The following TRIM6 variants were observed in gnomAD, a reference collection of about 807,000 sequenced individuals.
The protein encoded by TRIM6 is tripartite motif-containing protein 6.
In TRIM6, 43 loss-of-function variants were observed where a neutral mutation model predicts 51.2. The ratio of observed to expected loss-of-function variants is 0.84; its 90% CI spans 0.66 to 1.08. The LOEUF (loss-of-function observed/expected upper bound fraction) is 1.08. Among genes scored for constraint, TRIM6 ranks in the 50% least tolerant of loss-of-function variants. The probability of loss-of-function intolerance (pLI) is 0.00; values close to 1 mark genes in which losing one functional copy is unlikely to be tolerated. For synonymous variants in TRIM6, 215 were observed against 232.4 expected, an observed-to-expected ratio of 0.93 and a Z score of 0.68; for missense variants, 669 against 619.0, an observed-to-expected ratio of 1.08 and a Z score of -0.86.
rs758603847 is a variant in TRIM6, at chr11:5,610,596, A to G, written c.985+35A>G. 9 of 1,604,302 alleles carry G rather than the reference A, an allele frequency of 5.6e-6. No individual in the cohort carries two copies. In the Admixed American group the frequency reaches 1.3e-4, roughly 24 times the overall value. On this transcript the variant is annotated intron_variant, in intron 7 of 7. Transcript: ENST00000380097. ...AGCCATGGCCTCTTTGGGCTGGCAC[A>G]TTCTGATCTCCTTTCACATGCCCTC...
At position 5,611,617 on chromosome 11, in the gene TRIM6, C is replaced by T. The variant is rs546064959; in HGVS notation, c.*275C>T. 2.6e-4 allele frequency: 90 copies of T among 345,026 alleles called. No individual in the cohort carries two copies. Among genetic ancestry groups the T allele is most frequent in the Non-Finnish European group, 4.0e-4 (76 of 190,080 alleles). 21.4% of individuals were successfully genotyped at this position (345,026 alleles called of 1,614,324 possible). On this transcript the variant is annotated 3_prime_UTR_variant, in exon 8 of 8. Coordinates refer to ENST00000380097, the MANE Select transcript of TRIM6 (RefSeq NM_001003818.3). ...TACAGGCACCCACCACCATGCCCAA[C>T]TAATTTTTGTATTTTTATAGAGATA...
At position 5,610,564 on chromosome 11, in the gene TRIM6, A is replaced by G. The variant is rs1848512661; in HGVS notation, c.985+3A>G. On this transcript the variant is annotated splice_donor_region_variant and intron_variant, in intron 7 of 7. Transcript: ENST00000380097. Reference sequence around the variant, plus strand: ...GACAGATGTCCAAAGCTACTGGGGTAAGTAGAAGCCATGGCCTCTTTGGGC... The same window carrying G: ...GACAGATGTCCAAAGCTACTGGGGTGAGTAGAAGCCATGGCCTCTTTGGGC... 1 of 1,612,954 alleles carries G rather than the reference A, an allele frequency of 6.2e-7. No individual in the cohort carries two copies. Among genetic ancestry groups the G allele is most frequent in the Non-Finnish European group, 8.5e-7 (1 of 1,179,404 alleles).
chr11:5,610,896 GAC>G lies in TRIM6; in HGVS notation c.1106_1107del (p.Asp369ValfsTer2), dbSNP rs1235166220. 6.2e-7 allele frequency: 1 copy of G among 1,614,060 alleles called. No individual in the cohort carries two copies. Among genetic ancestry groups the G allele is most frequent in the Non-Finnish European group, 8.5e-7 (1 of 1,180,044 alleles). ...ACCTTCCTGTCTGGAAAAGCATTAT[GAC>G]TGTAGTGTCCTGGGCTCCCAGCACT... ...SGPSCLEKHY[D>X]CSVLGSQHFS... On this transcript the variant is annotated frameshift_variant, in exon 8 of 8. Transcript: ENST00000380097. LOFTEE classifies it low-confidence loss of function (END_TRUNC).
At position 5,611,923 on chromosome 11, in the gene TRIM6, A is replaced by G. The variant is rs1848594862; in HGVS notation, c.*581A>G. 1 of 152,204 alleles carries G rather than the reference A, an allele frequency of 6.6e-6. No individual in the cohort carries two copies. Among genetic ancestry groups the G allele is most frequent in the Admixed American group, 6.5e-5 (1 of 15,270 alleles). The allele number at this position is 152,204 out of a possible 1,614,324, so 9.4% of individuals were successfully genotyped here. Reference sequence around the variant, plus strand: ...TTGATTGATGCAGGGGATCAAATTTAGGAAGTTCTGATCTGTTAATTTACT... The same window carrying G: ...TTGATTGATGCAGGGGATCAAATTTGGGAAGTTCTGATCTGTTAATTTACT... On this transcript the variant is annotated 3_prime_UTR_variant, in exon 8 of 8. Transcript: ENST00000380097.
intron 5 of TRIM6, 132 bp downstream of exon 5, chr11:5,608,526 T>C (rs1019710941): frequency 1.4e-6 from 2 of 1,393,768 alleles, no homozygotes; most frequent in African/African-American, 1.4e-5. Context: ...GCGCATCACA[T>C]GGAGTTTTGG....
intron 1 of TRIM6, among the ~76,000 whole-genome samples, chr11:5,598,965 A>C (rs780944423): frequency 1.3e-5 from 2 of 152,004 alleles, no homozygotes; most frequent in African/African-American, 2.4e-5. Flanking sequence ...TGCAGTTCAA[A>C]CTTTTCTCCC....
intron 1 of TRIM6, among the ~76,000 whole-genome samples, chr11:5,600,369 A>G (rs1847761566): frequency 6.6e-6 from 1 of 152,164 alleles, no homozygotes; most frequent in Admixed American, 6.5e-5. Flanking sequence ...CTTTCTGTAG[A>G]TATTTGCTGT....
At chr11:5,603,783 A>G (rs1203907355) in intron 2 of TRIM6, 48 bp downstream of exon 2, 1 of 1,595,734 alleles carries the variant, frequency 6.3e-7, no homozygotes, top group Non-Finnish European at 8.5e-7. Context: ...GGTCTTTGGC[A>G]GGTTTTAACG....
At chr11:5,608,488 G>A (rs934147875) in intron 5 of TRIM6, 94 bp downstream of exon 5, 25 of 1,573,054 alleles carry the variant, frequency 1.6e-5, no homozygotes, top group African/African-American at 2.7e-5. Context: ...ATCAGAGTGG[G>A]GAAGATTCAA....
At chr11:5,599,377 A>G (rs1384544049) in intron 1 of TRIM6, among the ~76,000 whole-genome samples, 1 of 134,702 alleles carries the variant, frequency 7.4e-6, no homozygotes. Context: ...TACCAATACA[A>G]TTATTATATT....
At position 5,612,702 on chromosome 11, in the gene TRIM6, A is replaced by G. The variant is rs1385340875; in HGVS notation, c.*1360A>G. On this transcript the variant is annotated 3_prime_UTR_variant, in exon 8 of 8. Coordinates refer to ENST00000380097, the MANE Select transcript of TRIM6 (RefSeq NM_001003818.3). ...GAAATTAAGAGGTACATGTGAGGGT[A>G]GAAACAAATATCAAGGATGAGAATG... 1 of 152,202 alleles carries G rather than the reference A, an allele frequency of 6.6e-6. No individual in the cohort carries two copies. Among genetic ancestry groups the G allele is most frequent in the Non-Finnish European group, 1.5e-5 (1 of 68,026 alleles). 9.4% of individuals were successfully genotyped at this position (152,202 alleles called of 1,614,324 possible).
chr11:5,606,477 G>A (rs1055798632), intron 4 of TRIM6, among the ~76,000 whole-genome samples: 3 of 151,826 alleles, frequency 2.0e-5, no homozygotes, highest in South Asian at 2.1e-4. Context: ...GTTTGTCTTC[G>A]TGCTTTCCTC....
chr11:5,605,266 TC>T, intron 3 of TRIM6, 70 bp from the exon 4 acceptor site: 1 of 1,605,722 alleles, frequency 6.2e-7, no homozygotes. Context: ...GAGCCCAACT[TC>T]CCCGCTTTTA....
rs779825405 is a variant in TRIM6, at chr11:5,610,207, G to A, written c.920G>A (p.Arg307Gln). ...CCTACAAAGCTGAGAAGTATGTTCC[G>A]AGCCCCAGATCTGAAAAGGATGCTG... Reference protein sequence around the residue: ...ALPTKLRSMFRAPDLKRMLRV... With the variant: ...ALPTKLRSMFQAPDLKRMLRV... The change falls in exon 6 of 8, where the codon CGA (arginine) becomes CAA (glutamine). Residue 307 changes from arginine (R) to glutamine (Q), a missense_variant. Transcript: ENST00000380097. 2.6e-5 allele frequency: 42 copies of A among 1,613,966 alleles called. No homozygotes were observed. The highest frequency in any genetic ancestry group is 1.6e-4 in the Middle Eastern group (1 of 6,084).
Position 5,612,317 on chromosome 11 carries a change from T to G in TRIM6, c.*975T>G, listed in dbSNP as rs939713090. The G allele has an allele frequency of 6.6e-6, 1 of 152,240 alleles. No homozygotes were observed. Among genetic ancestry groups the G allele is most frequent in the Non-Finnish European group, 1.5e-5 (1 of 68,052 alleles). The allele number at this position is 152,240 out of a possible 1,614,324, so 9.4% of individuals were successfully genotyped here. On this transcript the variant is annotated 3_prime_UTR_variant, in exon 8 of 8. Transcript: ENST00000380097. ...AAACCAAACCATTATAATGATAATT[T>G]GGGTAGCTTCAAACTCAAATTGAAG...
intron 7 of TRIM6, 66 bp from the exon 8 acceptor site, chr11:5,610,711 C>G (rs1159150255): frequency 6.3e-7 from 1 of 1,581,648 alleles, no homozygotes; most frequent in Non-Finnish European, 8.6e-7. Context: ...CCTGTGTTTC[C>G]TCTTCTCAGC....
chr11:5,599,605 G>A (rs564263054), intron 1 of TRIM6, among the ~76,000 whole-genome samples: 26 of 152,140 alleles, frequency 1.7e-4, no homozygotes, highest in East Asian at 1.2e-3. Context: ...GGGTTTCACC[G>A]TGTTAGCCAG....
Position 5,596,881 on chromosome 11 carries a change from G to A in TRIM6, c.-17G>A. 6.2e-7 allele frequency: 1 copy of A among 1,613,966 alleles called. No individual in the cohort carries two copies. The highest frequency in any genetic ancestry group is 8.5e-7 in the Non-Finnish European group (1 of 1,179,974). On this transcript the variant is annotated 5_prime_UTR_variant, in exon 1 of 8. Coordinates refer to ENST00000380097, the MANE Select transcript of TRIM6 (RefSeq NM_001003818.3). ...ATATTGCTTACATCTGGAACTTCTT[G>A]GCTTCTCATTCCCCAGATGTGCGGG...
At chr11:5,601,724 C>G (rs911630447) in intron 1 of TRIM6, among the ~76,000 whole-genome samples, 1 of 152,186 alleles carries the variant, frequency 6.6e-6, no homozygotes, top group Non-Finnish European at 1.5e-5. Context: ...TGCCACTGCC[C>G]TCCAGCCTGG....
Sources: allele counts gnomAD v4.1 joint callset (sites outside exome capture counted in the v4.1 genomes callset), GRCh38; gene constraint gnomAD v4.1.1; transcripts MANE v1.5; gene names NCBI Gene and HGNC (gene_info 2026-07-23, HGNC 2026-07-21).